UNC79: variants seen among roughly 807,000 people sequenced by gnomAD.
The protein encoded by UNC79 is unc-79 subunit of NALCN channel complex.
In UNC79, 37 loss-of-function variants were observed where a neutral mutation model predicts 283.1. That is an observed-to-expected ratio of 0.13 (90% CI 0.10 to 0.17). UNC79 has a LOEUF of 0.17. UNC79 is among the 10% of genes least tolerant of loss of function. The probability of loss-of-function intolerance (pLI) is 1.00; values close to 1 mark genes in which losing one functional copy is unlikely to be tolerated. For synonymous variants in UNC79, 1,107 were observed against 1,200.2 expected (o/e 0.92, Z 1.61); for missense variants, 2,272 against 3,211.1 (o/e 0.71, Z 7.07).
At chr14:93,471,133 G>C (rs1436146434) in intron 2 of UNC79, among the ~76,000 whole-genome samples, 1 of 152,102 alleles carries the variant, frequency 6.6e-6, no homozygotes, top group Non-Finnish European at 1.5e-5. Flanking sequence ...AATCTTAATT[G>C]AATTGTAATT....
chr14:93,473,397 T>A lies in UNC79; in HGVS notation c.144-692T>A, dbSNP rs77594693. On this transcript the variant is annotated intron_variant, in intron 2 of 48. Coordinates refer to ENST00000555664, the Ensembl canonical transcript of UNC79. Reference sequence around the variant, plus strand: ...CATATGCTATGGACCATCAACTATATATTATTTTATAGCTTTTCCAATGTA... The same window carrying A: ...CATATGCTATGGACCATCAACTATAAATTATTTTATAGCTTTTCCAATGTA... Among the ~76,000 whole-genome samples, 577 of 152,300 alleles carry A rather than the reference T, an allele frequency of 3.8e-3. 2 individuals are homozygous for A. The highest frequency in any genetic ancestry group is 0.013 in the African/African-American group (551 of 41,578).
chr14:93,663,988 T>G (rs918521275), intron 40 of UNC79, among the ~76,000 whole-genome samples: 23 of 152,292 alleles, frequency 1.5e-4, no homozygotes, highest in African/African-American at 5.5e-4. Context: ...GGTTTTCAAT[T>G]CAAAATATTC....
At chr14:93,653,021 A>C (rs775683670) in intron 35 of UNC79, among the ~76,000 whole-genome samples, 3 of 152,168 alleles carry the variant, frequency 2.0e-5, no homozygotes, top group Non-Finnish European at 2.9e-5. Flanking sequence ...ACAATGAGGT[A>C]ATAATTGGCA....
chr14:93,595,550 C>T (rs2065019357), intron 23 of UNC79, among the ~76,000 whole-genome samples: 1 of 152,170 alleles, frequency 6.6e-6, no homozygotes, highest in South Asian at 2.1e-4. Context: ...TTGCTGTGTT[C>T]CCATTGCTTC....
intron 1 of UNC79, among the ~76,000 whole-genome samples, chr14:93,433,613 C>T (rs925101859): frequency 2.6e-5 from 4 of 151,984 alleles, no homozygotes; most frequent in African/African-American, 9.7e-5. Context: ...GAGCTCGTTT[C>T]TCCTCTGCAT....
intron 1 of UNC79, among the ~76,000 whole-genome samples, chr14:93,393,243 G>A (rs1172532356): frequency 6.6e-6 from 1 of 152,206 alleles, no homozygotes; most frequent in Non-Finnish European, 1.5e-5. Context: ...TGTCAACACT[G>A]TTTCATTAGC....
intron 1 of UNC79, among the ~76,000 whole-genome samples, chr14:93,455,477 A>G (rs1378243844): frequency 6.6e-6 from 1 of 151,722 alleles, no homozygotes; most frequent in Non-Finnish European, 1.5e-5. Flanking sequence ...GTGTGCGTGC[A>G]TCTGCATGCG....
rs889036843 is a variant in UNC79, at chr14:93,688,925, G to A, written c.7085+85G>A. The stretch of plus-strand genomic sequence containing the variant: ...CCTCGGGCTCAGCTAGAGTTAAGGA[G>A]TACACCGAAGATTTATGACAGTGGA... On this transcript the variant is annotated intron_variant, in intron 44 of 48. Transcript: ENST00000555664. The surrounding 1 kb of genome is among the most constrained non-coding windows in gnomAD (Gnocchi z 4.0). 3.5e-6 allele frequency: 5 copies of A among 1,428,904 alleles called. No homozygotes were observed. The African/African-American group carries it at 4.3e-5, about 12-fold the overall frequency. The allele number at this position is 1,428,904 out of a possible 1,614,324, so 88.5% of individuals were successfully genotyped here.
chr14:93,417,473 CTT>C (rs1424740942), intron 1 of UNC79, among the ~76,000 whole-genome samples: 6 of 152,132 alleles, frequency 3.9e-5, no homozygotes, highest in African/African-American at 1.2e-4. Flanking sequence ...TTCATTTCAA[CTT>C]TGGTAAATCT....
intron 1 of UNC79, among the ~76,000 whole-genome samples, chr14:93,464,318 C>T (rs1351335591): frequency 6.6e-6 from 1 of 152,184 alleles, no homozygotes; most frequent in Non-Finnish European, 1.5e-5. Context: ...TTTGGTTTCT[C>T]CTGAGGCCTC....
chr14:93,342,201 T>A (rs943717395), intron 1 of UNC79, among the ~76,000 whole-genome samples: 7 of 152,220 alleles, frequency 4.6e-5, no homozygotes, highest in African/African-American at 1.7e-4. Flanking sequence ...CCAAGAGTTT[T>A]CATACATCCT....
intron 33 of UNC79, among the ~76,000 whole-genome samples, chr14:93,641,634 T>C (rs1022090260): frequency 6.6e-6 from 1 of 152,080 alleles, no homozygotes; most frequent in African/African-American, 2.4e-5. Flanking sequence ...GCCTGGGTGA[T>C]AGAGTGACTG....
intron 27 of UNC79, among the ~76,000 whole-genome samples, chr14:93,613,569 C>A (rs1318804525): frequency 6.6e-6 from 1 of 152,204 alleles, no homozygotes; most frequent in Non-Finnish European, 1.5e-5. Context: ...CGCCCGCCAC[C>A]ATGCCCAGCT....
At chr14:93,555,364 TAA>T (rs2062116188) in intron 14 of UNC79, among the ~76,000 whole-genome samples, 1 of 152,098 alleles carries the variant, frequency 6.6e-6, no homozygotes, top group Non-Finnish European at 1.5e-5. Context: ...GGTAGAGTTA[TAA>T]GATTCTTCAT....
At chr14:93,344,453 G>T (rs891688876) in intron 1 of UNC79, among the ~76,000 whole-genome samples, 2 of 152,130 alleles carry the variant, frequency 1.3e-5, no homozygotes, top group African/African-American at 2.4e-5. Context: ...TCAAACCAGG[G>T]CTTTGAACAC....
At chr14:93,646,127 T>C (rs1566848151) in intron 34 of UNC79, among the ~76,000 whole-genome samples, 1 of 152,242 alleles carries the variant, frequency 6.6e-6, no homozygotes, top group Non-Finnish European at 1.5e-5. Context: ...AATACATTTC[T>C]CTTCTCAATG....
intron 40 of UNC79, among the ~76,000 whole-genome samples, chr14:93,663,379 G>C (rs569677359): frequency 1.3e-5 from 2 of 152,160 alleles, no homozygotes; most frequent in African/African-American, 4.8e-5. Context: ...CAAAATGGGA[G>C]CATTTCTGTC....
intron 1 of UNC79, among the ~76,000 whole-genome samples, chr14:93,378,676 A>G (rs1180586950): frequency 2.0e-5 from 3 of 152,260 alleles, no homozygotes; most frequent in Non-Finnish European, 4.4e-5. Context: ...ATTGCAGCCC[A>G]TCACATGAGG....
At chr14:93,625,361 C>T (rs2067487980) in intron 30 of UNC79, among the ~76,000 whole-genome samples, 1 of 152,218 alleles carries the variant, frequency 6.6e-6, no homozygotes, top group Non-Finnish European at 1.5e-5. Context: ...CTGGCTCTTC[C>T]TCACTTGTTG....
Sources: gnomAD v4.1 joint callset for allele counts (sites outside exome capture counted in the v4.1 genomes callset) on GRCh38, gnomAD v4.1.1 for gene constraint, Gnocchi (gnomAD v3.1) non-coding constraint, MANE v1.5 for transcripts, NCBI Gene and HGNC (gene_info 2026-07-23, HGNC 2026-07-21) for gene names.